Variants in LYPD6B observed in about 807,000 individuals in gnomAD.
LYPD6B encodes ly6/PLAUR domain-containing protein 6B.
LYPD6B carries 17 observed loss-of-function variants against 22.8 expected under a neutral mutation model. The observed-to-expected ratio is 0.75, with a 90% confidence interval of 0.51 to 1.12. The LOEUF (loss-of-function observed/expected upper bound fraction) is 1.12, where lower values mean the gene tolerates loss of function less well. LYPD6B is among the 50% of genes most tolerant of loss of function. The probability of loss-of-function intolerance (pLI) is 0.00; values close to 1 mark genes in which losing one functional copy is unlikely to be tolerated. For missense variants in LYPD6B, 221 were observed against 258.3 expected, an observed-to-expected ratio of 0.86 and a Z score of 0.99; for synonymous variants, 106 against 91.6, an observed-to-expected ratio of 1.16 and a Z score of -0.90.
intron 6 of LYPD6B, among the ~76,000 whole-genome samples, chr2:149,213,562 A>T (rs142344948): frequency 2.6e-5 from 4 of 152,362 alleles, no homozygotes; most frequent in Non-Finnish European, 4.4e-5. Flanking sequence ...TATCATTCTA[A>T]ATGAGCATTT....
intron 2 of LYPD6B, among the ~76,000 whole-genome samples, chr2:149,157,455 C>A (rs1173325524): frequency 1.3e-5 from 2 of 152,220 alleles, no homozygotes; most frequent in African/African-American, 4.8e-5. Context: ...CAAGTGCTAA[C>A]AATCTGCGAT....
chr2:149,208,238 C>A, intron 4 of LYPD6B, 76 bp from the exon 5 acceptor site: 1 of 963,940 alleles, frequency 1.0e-6, no homozygotes, highest in Non-Finnish European at 1.7e-6. Context: ...TAAAGTTGCT[C>A]ATTTTGTACC....
chr2:149,179,306 A>T (rs1304322813), intron 3 of LYPD6B, among the ~76,000 whole-genome samples: 1 of 152,250 alleles, frequency 6.6e-6, no homozygotes, highest in Non-Finnish European at 1.5e-5. Flanking sequence ...ACAGTGTTTT[A>T]ACCCTCAAAC....
At chr2:149,155,619 A>T (rs544728990) in intron 2 of LYPD6B, among the ~76,000 whole-genome samples, 44 of 152,328 alleles carry the variant, frequency 2.9e-4, no homozygotes, top group African/African-American at 1.1e-3. Flanking sequence ...AGGGAGTCTA[A>T]TGGATCTGGA....
intron 3 of LYPD6B, among the ~76,000 whole-genome samples, chr2:149,200,119 T>C (rs1575168760): frequency 6.6e-6 from 1 of 152,230 alleles, no homozygotes; most frequent in South Asian, 2.1e-4. Context: ...CTGTTAAAGA[T>C]GTCATTAAAG....
intron 3 of LYPD6B, among the ~76,000 whole-genome samples, chr2:149,172,718 T>C (rs905113763): frequency 3.3e-5 from 5 of 152,106 alleles, no homozygotes; most frequent in African/African-American, 1.2e-4. Flanking sequence ...CCCTCTTCTA[T>C]GTAGGTGGGT....
intron 3 of LYPD6B, among the ~76,000 whole-genome samples, chr2:149,167,634 A>G (rs1425271305): frequency 2.0e-5 from 3 of 152,158 alleles, no homozygotes; most frequent in African/African-American, 4.8e-5. Flanking sequence ...TGCATGAGTA[A>G]GTCATCCTCC....
intron 1 of LYPD6B, among the ~76,000 whole-genome samples, chr2:149,124,915 G>A (rs1687603573): frequency 6.6e-6 from 1 of 152,180 alleles, no homozygotes; most frequent in African/African-American, 2.4e-5. Context: ...AGAAGCTTCT[G>A]TAGGTCATTT....
intron 1 of LYPD6B, among the ~76,000 whole-genome samples, chr2:149,080,063 A>T (rs1226903482): frequency 6.6e-6 from 1 of 152,198 alleles, no homozygotes. Context: ...GAGTTGCCAT[A>T]ACAGAGTAAC....
intron 1 of LYPD6B, among the ~76,000 whole-genome samples, chr2:149,123,581 C>T (rs1339449742): frequency 1.3e-5 from 2 of 152,060 alleles, no homozygotes; most frequent in Admixed American, 6.6e-5. Context: ...AAGAAAAGAA[C>T]AATTTAAAAA....
intron 3 of LYPD6B, among the ~76,000 whole-genome samples, chr2:149,189,646 A>G (rs1692369296): frequency 6.6e-6 from 1 of 152,008 alleles, no homozygotes; most frequent in South Asian, 2.1e-4. Context: ...CACTATATAC[A>G]TAAATGGAAA....
At chr2:149,172,360 C>G (rs190425097) in intron 3 of LYPD6B, among the ~76,000 whole-genome samples, 1 of 152,198 alleles carries the variant, frequency 6.6e-6, no homozygotes, top group South Asian at 2.1e-4. Context: ...CAAACCATAT[C>G]ACCCTCCTTA....
At chr2:149,139,790 G>A (rs1233983058) in intron 2 of LYPD6B, among the ~76,000 whole-genome samples, 1 of 152,200 alleles carries the variant, frequency 6.6e-6, no homozygotes, top group Non-Finnish European at 1.5e-5. Flanking sequence ...GAGAAGAGAA[G>A]GCAGAGAGAG....
At chr2:149,120,582 A>G (rs1429684637) in intron 1 of LYPD6B, among the ~76,000 whole-genome samples, 1 of 148,178 alleles carries the variant, frequency 6.7e-6, no homozygotes, top group Admixed American at 6.7e-5. Flanking sequence ...ACGGGGTTTC[A>G]CCGGGTTAGC....
At chr2:149,046,502 T>A (rs1683311818) in intron 1 of LYPD6B, among the ~76,000 whole-genome samples, 1 of 151,928 alleles carries the variant, frequency 6.6e-6, no homozygotes, top group African/African-American at 2.4e-5. Flanking sequence ...GAGCTTTTTT[T>A]GTTGTTGTTG....
At chr2:149,138,074 C>T (rs1466910855) in intron 2 of LYPD6B, among the ~76,000 whole-genome samples, 3 of 152,168 alleles carry the variant, frequency 2.0e-5, no homozygotes, top group Non-Finnish European at 4.4e-5. Flanking sequence ...TATCCTGTGG[C>T]TTCTTTCCTC....
rs1243170691 is a variant in LYPD6B at position 149,130,569 on chromosome 2, G to T, written c.-66-314G>T. The stretch of plus-strand genomic sequence containing the variant: ...GGCCTTGTCCCACTAACTTACAGCA[G>T]AGCTGGATTAAGTGATTTTCTGTGA... On this transcript the variant is annotated intron_variant, in intron 1 of 6. Coordinates refer to ENST00000409642, the MANE Select transcript of LYPD6B (RefSeq NM_177964.5). Among the ~76,000 whole-genome samples, 144 of 152,314 alleles carry T rather than the reference G, an allele frequency of 9.5e-4. 2 individuals carry two copies. Among genetic ancestry groups the T allele is most frequent in the Admixed American group, 9.4e-3 (144 of 15,298 alleles).
intron 3 of LYPD6B, among the ~76,000 whole-genome samples, chr2:149,172,572 T>TGG (rs1559050936): frequency 6.6e-6 from 1 of 152,076 alleles, no homozygotes. Context: ...TAATCAGAAC[T>TGG]GGATGTACTA....
chr2:149,078,593 C>T (rs761408351), intron 1 of LYPD6B, among the ~76,000 whole-genome samples: 11 of 152,124 alleles, frequency 7.2e-5, no homozygotes, highest in African/African-American at 1.2e-4. Flanking sequence ...AGGTCTGTCT[C>T]GTTTTAAAAT....
Sources: allele counts gnomAD v4.1 joint callset (sites outside exome capture counted in the v4.1 genomes callset), GRCh38; gene constraint gnomAD v4.1.1; transcripts MANE v1.5; gene names NCBI Gene and HGNC (gene_info 2026-07-23, HGNC 2026-07-21).